The following PCDHGB1 variants were observed in gnomAD, a reference collection of about 807,000 sequenced individuals.
PCDHGB1 encodes protocadherin gamma subfamily B, 1, also known as protocadherin gamma-B1.
In PCDHGB1, 34 loss-of-function variants were observed where a neutral mutation model predicts 56.6. The observed-to-expected ratio is 0.60, with a 90% CI of 0.46 to 0.80. The LOEUF is 0.80. Ranked by LOEUF, PCDHGB1 falls within the 30% of genes least tolerant of loss-of-function variation. The pLI, the probability that PCDHGB1 is intolerant of heterozygous loss-of-function variation, is 0.00. For missense variants in PCDHGB1, 1,278 were observed against 1,204.6 expected, an observed-to-expected ratio of 1.06 and a Z score of -0.90; for synonymous variants, 561 against 505.9, an observed-to-expected ratio of 1.11 and a Z score of -1.46.
At chr5:141,482,956 CCAGCTACTTGAG>C (rs6149271) in intron 1 of PCDHGB1, among the ~76,000 whole-genome samples, 62,216 of 151,640 alleles carry the variant, frequency 0.41, 15,336 homozygotes, top group African/African-American at 0.7. Context: ...GCCTGTAATT[CCAGCTACTTGAG>C]CAGCTACTTG....
chr5:141,414,116 A>C (rs760214999), intron 1 of PCDHGB1: 2 of 1,592,434 alleles, frequency 1.3e-6, no homozygotes, highest in Non-Finnish European at 1.7e-6. Context: ...CTAGATTATG[A>C]AGAAACCGGT....
chr5:141,400,217 T>C (rs771117256), intron 1 of PCDHGB1: 1 of 1,613,916 alleles, frequency 6.2e-7, no homozygotes, highest in Non-Finnish European at 8.5e-7. Flanking sequence ...TTGATCTCAG[T>C]GCTCTTCCTC....
At chr5:141,387,706 C>T in intron 1 of PCDHGB1, 1 of 992,322 alleles carries the variant, frequency 1.0e-6, no homozygotes. Flanking sequence ...CCAGGGCAGC[C>T]CCAGCTCAGA....
At chr5:141,435,008 A>G (rs961813777) in intron 1 of PCDHGB1, among the ~76,000 whole-genome samples, 3 of 152,130 alleles carry the variant, frequency 2.0e-5, no homozygotes, top group African/African-American at 7.2e-5. Context: ...GAATTTATCA[A>G]TGATAATGCT....
chr5:141,362,321 C>T, intron 1 of PCDHGB1: 1 of 1,614,078 alleles, frequency 6.2e-7, no homozygotes, highest in Admixed American at 1.7e-5. Flanking sequence ...TGTTTTCAGC[C>T]TGGTCTCAGC....
chr5:141,374,863 A>C (rs1588752717), intron 1 of PCDHGB1: 1 of 1,613,784 alleles, frequency 6.2e-7, no homozygotes, highest in Non-Finnish European at 8.5e-7. Context: ...TAGGCACACC[A>C]GTGTTGGCAG....
At chr5:141,496,838 T>C (rs182118142) in intron 2 of PCDHGB1, among the ~76,000 whole-genome samples, 39 of 150,790 alleles carry the variant, frequency 2.6e-4, no homozygotes, top group African/African-American at 8.3e-4. Flanking sequence ...CCAGAACTCA[T>C]AGGCTTCCAG....
Position 141,431,547 on chromosome 5 carries a change from T to C in PCDHGB1, c.2410-63260T>C. On this transcript the variant is annotated intron_variant, in intron 1 of 3. Transcript: ENST00000523390. The surrounding 1 kb of genome is among the most constrained non-coding windows in gnomAD (Gnocchi z 4.8). ...CTGGCCTTGGGCACGCAGCTGCTTG[T>C]AGTCAACGCTACCGACCCTGACGAA... The C allele has an allele frequency of 1.2e-6, 2 of 1,614,096 alleles. No homozygotes were observed. The highest frequency in any genetic ancestry group is 2.2e-5 in the East Asian group (1 of 44,882).
rs748971088 is a variant in PCDHGB1 at position 141,352,585 on chromosome 5, T to A, written c.2325T>A (p.Asp775Glu). 1 of 1,613,952 alleles carries A rather than the reference T, an allele frequency of 6.2e-7. No homozygotes were observed. Among genetic ancestry groups the A allele is most frequent in the Non-Finnish European group, 8.5e-7 (1 of 1,179,870 alleles). Reference sequence around the variant, plus strand: ...CACCGGAAATGGCTCCCCCTCAGGATCTGCTGTGTGATGATCCTTCTATGG... The same window carrying A: ...CACCGGAAATGGCTCCCCCTCAGGAACTGCTGTGTGATGATCCTTCTATGG... ...NLTPEMAPPQ[D>E]LLCDDPSMVV... Residue 775 changes from aspartate to glutamate, a missense_variant, in exon 1 of 4, where the codon GAT (aspartate) becomes GAA (glutamate). Asp to Glu is a conservative substitution (Grantham distance 45, BLOSUM62 2). Coordinates refer to ENST00000523390, the MANE Select transcript of PCDHGB1 (RefSeq NM_018922.3).
At chr5:141,356,841 A>G in intron 1 of PCDHGB1, 5 of 1,614,138 alleles carry the variant, frequency 3.1e-6, no homozygotes, top group Non-Finnish European at 4.2e-6. Flanking sequence ...GCAATGTGTC[A>G]CTGAGCCTCT....
chr5:141,358,889 AT>A (rs1561517339), intron 1 of PCDHGB1, among the ~76,000 whole-genome samples: 2 of 152,198 alleles, frequency 1.3e-5, no homozygotes, highest in African/African-American at 4.8e-5. Context: ...CTCTGGGATT[AT>A]TTTATATGAG....
rs779426857 is a variant in PCDHGB1, at chr5:141,360,094, G to C, written c.2409+7425G>C. The C allele has an allele frequency of 3.3e-6, 5 of 1,522,500 alleles. No homozygotes were observed. The African/African-American group carries it at 4.2e-5, about 13-fold the overall frequency. 94.3% of individuals were successfully genotyped at this position (1,522,500 alleles called of 1,614,324 possible). A position where few individuals can be genotyped will look rare whatever the true frequency, so the allele number is the denominator to read the frequency against. The stretch of plus-strand genomic sequence containing the variant: ...GCCCGGATTCTGCCATCCCCGGAAG[G>C]CTTATTCCTCCTATGGGCAAAGGAG... On this transcript the variant is annotated intron_variant, in intron 1 of 3. Transcript: ENST00000523390.
chr5:141,363,768 C>T (rs944933090), intron 1 of PCDHGB1, among the ~76,000 whole-genome samples: 2 of 152,094 alleles, frequency 1.3e-5, no homozygotes, highest in African/African-American at 2.4e-5. Flanking sequence ...CAAATAAGCA[C>T]GTTTTCCTAA....
chr5:141,487,386 G>C lies in PCDHGB1; in HGVS notation c.2410-7421G>C. On this transcript the variant is annotated intron_variant, in intron 1 of 3. Coordinates refer to ENST00000523390, the MANE Select transcript of PCDHGB1 (RefSeq NM_018922.3). The surrounding 1 kb of genome is among the most constrained non-coding windows in gnomAD (Gnocchi z 5.0). Reference sequence around the variant, plus strand: ...ACCTGTGCCTGTCTCACCAGATCTCGAAGGAGGGAGGGGCTTCCCCCTTCC... The same window carrying C: ...ACCTGTGCCTGTCTCACCAGATCTCCAAGGAGGGAGGGGCTTCCCCCTTCC... The C allele has an allele frequency of 1.2e-6, 2 of 1,614,164 alleles. No homozygotes were observed. Among genetic ancestry groups the C allele is most frequent in the South Asian group, 1.1e-5 (1 of 91,084 alleles).
rs534304763 is a variant in PCDHGB1 at position 141,394,533 on chromosome 5, G to A, written c.2409+41864G>A. On this transcript the variant is annotated intron_variant, in intron 1 of 3. Transcript: ENST00000523390. The stretch of plus-strand genomic sequence containing the variant: ...CGCCCTCCCCACAGACGGTTCCACT[G>A]GCGTGGAGCTGGCGCCCCGCTCCGC... The A allele has an allele frequency of 2.1e-5, 34 of 1,614,210 alleles. 1 individual carries two copies. In the South Asian group the frequency reaches 3.0e-4, roughly 14 times the overall value.
Position 141,487,003 on chromosome 5 carries a change from C to T in PCDHGB1, c.2410-7804C>T. The stretch of plus-strand genomic sequence containing the variant: ...ACAATGCTTGGGTTTCCTATCAGCT[C>T]CTGGAGGCCCCAGATCCCAGCCTGT... On this transcript the variant is annotated intron_variant, in intron 1 of 3. Transcript: ENST00000523390. The surrounding 1 kb of genome is among the most constrained non-coding windows in gnomAD (Gnocchi z 5.0). 1 of 1,614,228 alleles carries T rather than the reference C, an allele frequency of 6.2e-7. No homozygotes were observed.
rs767577725 is a variant in PCDHGB1, at chr5:141,485,642, G to C, written c.2410-9165G>C. On this transcript the variant is annotated intron_variant, in intron 1 of 3. Transcript: ENST00000523390. This position sits in a 1 kb window ranked among gnomAD's most constrained non-coding sequence, Gnocchi z 5.7. ...AGGACAGCGTTTCCCGTTGGAAAAGGCTCAGGATGCAGATGTGGGGAGCAA... is the reference window on the plus strand; with the variant it reads ...AGGACAGCGTTTCCCGTTGGAAAAGCCTCAGGATGCAGATGTGGGGAGCAA... 2 of 1,612,044 alleles carry C rather than the reference G, an allele frequency of 1.2e-6. No individual in the cohort carries two copies. The highest frequency in any genetic ancestry group is 8.5e-7 in the Non-Finnish European group (1 of 1,178,592).
chr5:141,389,323 G>A (rs1230521211), intron 1 of PCDHGB1: 1 of 1,613,862 alleles, frequency 6.2e-7, no homozygotes. Context: ...CCGGACTTGG[G>A]GCCCAACGGC....
chr5:141,420,123 G>A (rs1335693841), intron 1 of PCDHGB1: 1 of 1,613,968 alleles, frequency 6.2e-7, no homozygotes, highest in Non-Finnish European at 8.5e-7. Flanking sequence ...TATAATTTTT[G>A]TGTGCCTGGG....
Sources: allele counts gnomAD v4.1 joint callset (sites outside exome capture counted in the v4.1 genomes callset), GRCh38; gene constraint gnomAD v4.1.1; non-coding constraint Gnocchi (gnomAD v3.1); transcripts MANE v1.5; gene names NCBI Gene and HGNC (gene_info 2026-07-23, HGNC 2026-07-21).